Variants in MROH7 observed in about 807,000 individuals in gnomAD.
MROH7 encodes the protein maestro heat like repeat family member 7, also known as maestro heat-like repeat-containing protein family member 7.
Under a neutral mutation model 129.2 loss-of-function variants are expected in MROH7, and 113 were observed. The ratio of observed to expected loss-of-function variants is 0.87; its 90% CI spans 0.75 to 1.02. The LOEUF (loss-of-function observed/expected upper bound fraction) is 1.02, where lower values mean the gene tolerates loss of function less well. Ranked by LOEUF, MROH7 falls within the 50% of genes least tolerant of loss-of-function variation. MROH7 has a pLI of 0.00. For missense variants in MROH7, 1,601 were observed against 1,671.3 expected, an observed-to-expected ratio of 0.96 and a Z score of 0.73; for synonymous variants, 655 against 667.9, an observed-to-expected ratio of 0.98 and a Z score of 0.30.
Position 54,659,319 on chromosome 1 carries a change from G to A in MROH7, c.1231+5162G>A, listed in dbSNP as rs146044567. 1,857 of 187,646 alleles carry A rather than the reference G, an allele frequency of 9.9e-3. 26 individuals carry two copies. Among genetic ancestry groups the A allele is most frequent in the Middle Eastern group, 0.045 (17 of 380 alleles). The allele number at this position is 187,646 out of a possible 1,614,324, so 11.6% of individuals were successfully genotyped here. Reference sequence around the variant, plus strand: ...ATTTTTTGAGATGGAGTCTCACTCTGTTGCCCAGGCTGGAGTGTAATGGCA... The same window carrying A: ...ATTTTTTGAGATGGAGTCTCACTCTATTGCCCAGGCTGGAGTGTAATGGCA... On this transcript the variant is annotated intron_variant, in intron 3 of 23. Coordinates refer to ENST00000421030, the MANE Select transcript of MROH7 (RefSeq NM_001039464.4).
chr1:54,689,066 G>A (rs962530863), intron 15 of MROH7, among the ~76,000 whole-genome samples: 7 of 152,200 alleles, frequency 4.6e-5, no homozygotes, highest in African/African-American at 1.7e-4. Flanking sequence ...GGTGGCCCCC[G>A]AAAGACATGT....
Position 54,702,153 on chromosome 1 carries a change from G to GAAGTGGTC in MROH7, c.3349_3350insAAGTGGTC (p.Ala1117GlufsTer23). 2 of 1,611,192 alleles carry GAAGTGGTC rather than the reference G, an allele frequency of 1.2e-6. No individual in the cohort carries two copies. Among genetic ancestry groups the GAAGTGGTC allele is most frequent in the Non-Finnish European group, 8.5e-7 (1 of 1,178,764 alleles). ...TGGGAAGGTGGTCCAGAAGCTTCGGGCACCACGCACTCAGGCCATGGAGGA... is the reference window on the plus strand; with the variant it reads ...TGGGAAGGTGGTCCAGAAGCTTCGGGAAGTGGTCCACCACGCACTCAGGCCATGGAGGA... On this transcript the variant is annotated frameshift_variant, in exon 20 of 24. Transcript: ENST00000421030. LOFTEE classifies it high-confidence loss of function.
rs1644793707 is a variant in MROH7 at position 54,665,246 on chromosome 1, C to T, written c.1305+6C>T. 1 of 1,612,014 alleles carries T rather than the reference C, an allele frequency of 6.2e-7. No homozygotes were observed. The highest frequency in any genetic ancestry group is 1.1e-5 in the South Asian group (1 of 91,014). On this transcript the variant is annotated splice_donor_region_variant and intron_variant, in intron 4 of 23. Coordinates refer to ENST00000421030, the MANE Select transcript of MROH7 (RefSeq NM_001039464.4). ...GTGGCAACAACATGGCTCTGGTATG[C>T]CTCCTGCCCAACCCCTAGCTGACTG...
intron 17 of MROH7, chr1:54,697,786 C>A: frequency 1.6e-6 from 1 of 641,614 alleles, no homozygotes; most frequent in Non-Finnish European, 2.8e-6. Flanking sequence ...TTTGGTCAGC[C>A]TCTTGGAGAG....
intron 21 of MROH7, 87 bp downstream of exon 21, chr1:54,702,832 C>T: frequency 6.8e-7 from 1 of 1,464,778 alleles, no homozygotes; most frequent in South Asian, 1.4e-5. Context: ...CTTTTCCCAC[C>T]AGCATCCTAT....
rs1264575334 is a variant in MROH7, at chr1:54,678,736, T to C, written c.1937-6T>C. 1.9e-6 allele frequency: 3 copies of C among 1,607,612 alleles called. No individual in the cohort carries two copies. The highest frequency in any genetic ancestry group is 3.3e-4 in the Middle Eastern group (2 of 6,048). The stretch of plus-strand genomic sequence containing the variant: ...CGGCCTCACTGAGAAGGTTCTCATC[T>C]TGCAGGAGCCAGAGATAAGGAAGAG... On this transcript the variant is annotated splice_polypyrimidine_tract_variant and splice_region_variant and intron_variant, in intron 10 of 23. Coordinates refer to ENST00000421030, the MANE Select transcript of MROH7 (RefSeq NM_001039464.4).
chr1:54,670,664 C>G (rs1644883723), intron 6 of MROH7, 88 bp downstream of exon 6: 1 of 1,264,154 alleles, frequency 7.9e-7, no homozygotes, highest in Non-Finnish European at 1.1e-6. Flanking sequence ...GTACCCTCCC[C>G]CAACCCGCCC....
In MROH7 at chr1:54,645,075, G is replaced by A. The variant is rs146407876; in HGVS notation, c.-110+3107G>A. 3.0e-3 allele frequency among the ~76,000 whole-genome samples: 449 copies of A among 152,156 alleles called. 2 individuals carry two copies. The highest frequency in any genetic ancestry group is 0.01 in the African/African-American group (432 of 41,518). On this transcript the variant is annotated intron_variant, in intron 1 of 23. Transcript: ENST00000421030. ...TCTGCTTGCTTCGGCCTCCCAAAGT[G>A]CTGAGATTACATGCATGAGCCACCA...
At chr1:54,674,698 C>T (rs914138191) in intron 10 of MROH7, among the ~76,000 whole-genome samples, 1 of 152,166 alleles carries the variant, frequency 6.6e-6, no homozygotes, top group African/African-American at 2.4e-5. Flanking sequence ...GGGAGCACTT[C>T]GTGATGTGGT....
At position 54,709,811 on chromosome 1, in the gene MROH7, C is replaced by T. The variant is rs544517382; in HGVS notation, c.3731-135C>T. 4.7e-6 allele frequency: 5 copies of T among 1,068,984 alleles called. No homozygotes were observed. The South Asian group carries it at 6.1e-5, about 13-fold the overall frequency. The allele number at this position is 1,068,984 out of a possible 1,614,324, so 66.2% of individuals were successfully genotyped here. On this transcript the variant is annotated intron_variant, in intron 23 of 23. Coordinates refer to ENST00000421030, the MANE Select transcript of MROH7 (RefSeq NM_001039464.4). ...GAAAAATGTGAATAATTTGAATTGC[C>T]AGGAGGAAAGTGAGATGAGGGGATG...
At chr1:54,704,488 C>T (rs997394054) in intron 21 of MROH7, among the ~76,000 whole-genome samples, 10 of 142,736 alleles carry the variant, frequency 7.0e-5, no homozygotes, top group Non-Finnish European at 1.2e-4. Flanking sequence ...GGCTGGAGTG[C>T]AGTGAGTGGT....
In MROH7 at chr1:54,678,790, A is replaced by C. The variant is rs776835788; in HGVS notation, c.1985A>C (p.Asn662Thr). 6.2e-7 allele frequency: 1 copy of C among 1,614,140 alleles called. No individual in the cohort carries two copies. The highest frequency in any genetic ancestry group is 1.1e-5 in the South Asian group (1 of 91,080). The stretch of plus-strand genomic sequence containing the variant: ...AACAAAAAGGAGCTATATGAGAGCA[A>C]CAAGCATTTCCTGGGGCCCTACAAC... ...ETNKKELYES[N>T]KHFLGPYNPV... is the part of the protein sequence containing the mutation. The change falls in exon 11 of 24, where the codon AAC becomes ACC. Residue 662 changes from asparagine to threonine, a missense_variant. Coordinates refer to ENST00000421030, the MANE Select transcript of MROH7 (RefSeq NM_001039464.4).
intron 3 of MROH7, among the ~76,000 whole-genome samples, chr1:54,658,734 A>G (rs1045936038): frequency 2.0e-5 from 3 of 151,892 alleles, no homozygotes; most frequent in African/African-American, 7.3e-5. Flanking sequence ...AGATTTCTCA[A>G]CTTTGGCACT....
At chr1:54,705,797 A>G (rs927494438) in intron 21 of MROH7, among the ~76,000 whole-genome samples, 11 of 152,284 alleles carry the variant, frequency 7.2e-5, no homozygotes, top group African/African-American at 2.2e-4. Flanking sequence ...CTAGGAGCTT[A>G]GGCCTTGATA....
chr1:54,694,509 C>G (rs1569971766), intron 16 of MROH7, among the ~76,000 whole-genome samples: 1 of 152,300 alleles, frequency 6.6e-6, no homozygotes. Flanking sequence ...CTCTGTTGCC[C>G]AGGCTGGAGT....
At chr1:54,688,301 G>C (rs1468496057) in intron 15 of MROH7, among the ~76,000 whole-genome samples, 1 of 150,344 alleles carries the variant, frequency 6.7e-6, no homozygotes, top group Non-Finnish European at 1.5e-5. Context: ...CGAACTCCTA[G>C]GCTCAAGTGA....
intron 3 of MROH7, among the ~76,000 whole-genome samples, chr1:54,660,179 G>A (rs921762498): frequency 6.6e-6 from 1 of 152,212 alleles, no homozygotes; most frequent in African/African-American, 2.4e-5. Flanking sequence ...GAAACTGGAA[G>A]TCCAAGATCA....
At position 54,673,077 on chromosome 1, in the gene MROH7, C is replaced by T; in HGVS notation, c.1600-14C>T. ...AGAGGTGCCTTAGTGGCTTGGTCCT[C>T]CTCCCATCCACAGGCTCTTTACCAT... On this transcript the variant is annotated splice_polypyrimidine_tract_variant and intron_variant, in intron 7 of 23. Coordinates refer to ENST00000421030, the MANE Select transcript of MROH7 (RefSeq NM_001039464.4). The T allele has an allele frequency of 6.2e-7, 1 of 1,606,868 alleles. No homozygotes were observed. Among genetic ancestry groups the T allele is most frequent in the Non-Finnish European group, 8.5e-7 (1 of 1,173,906 alleles).
At chr1:54,695,574 GTACTT>G in intron 17 of MROH7, 84 bp downstream of exon 17, 1 of 843,076 alleles carries the variant, frequency 1.2e-6, no homozygotes, top group Non-Finnish European at 2.0e-6. Context: ...TATGTAAACA[GTACTT>G]TATAGTTTAC....
Sources: gnomAD v4.1 joint callset for allele counts (sites outside exome capture counted in the v4.1 genomes callset) on GRCh38, gnomAD v4.1.1 for gene constraint, MANE v1.5 for transcripts, NCBI Gene and HGNC (gene_info 2026-07-23, HGNC 2026-07-21) for gene names.